CRACD: variants seen among roughly 807,000 people sequenced by gnomAD.
The protein encoded by CRACD is capping protein-inhibiting regulator of actin dynamics.
A neutral mutation model predicts 106.8 loss-of-function variants in CRACD; 56 were observed. The ratio of observed to expected loss-of-function variants is 0.52; its 90% confidence interval spans 0.42 to 0.66. The LOEUF (loss-of-function observed/expected upper bound fraction) is 0.66. Ranked by LOEUF, CRACD falls within the 30% of genes least tolerant of loss-of-function variation. The pLI is 0.00. For missense variants in CRACD, 1,730 were observed against 1,623.2 expected (o/e 1.07, Z -1.13); for synonymous variants, 754 against 670.8 (o/e 1.12, Z -1.92).
chr4:56,156,385 A>C (rs897794533), intron 1 of CRACD, among the ~76,000 whole-genome samples: 5 of 152,214 alleles, frequency 3.3e-5, no homozygotes, highest in African/African-American at 1.2e-4. Context: ...CAGGTGTGTT[A>C]GAAAGAGCAC....
chr4:56,221,112 C>G (rs2109513033), intron 2 of CRACD, among the ~76,000 whole-genome samples: 1 of 152,172 alleles, frequency 6.6e-6, no homozygotes, highest in East Asian at 1.9e-4. Context: ...TTGTGCCAAG[C>G]TAGGGAGTTG....
intron 4 of CRACD, among the ~76,000 whole-genome samples, chr4:56,302,763 G>A (rs1744439827): frequency 6.6e-6 from 1 of 152,068 alleles, no homozygotes; most frequent in Non-Finnish European, 1.5e-5. Context: ...TAGTCTGAAG[G>A]ATAGGAAAAT....
chr4:56,059,455 G>A (rs1732196070), intron 1 of CRACD, among the ~76,000 whole-genome samples: 1 of 152,156 alleles, frequency 6.6e-6, no homozygotes, highest in East Asian at 1.9e-4. Context: ...CAGCCTGCGT[G>A]ACAGAATTAG....
rs115996576 is a variant in CRACD at position 56,054,100 on chromosome 4, G to A, written c.-336+4801G>A. Reference sequence around the variant, plus strand: ...CAGGACATGGCCCACTTATTGGGTGGTCATTGTAATTTGTATGTTCAGGCA... The same window carrying A: ...CAGGACATGGCCCACTTATTGGGTGATCATTGTAATTTGTATGTTCAGGCA... On this transcript the variant is annotated intron_variant, in intron 1 of 10. Coordinates refer to ENST00000682029, the MANE Select transcript of CRACD (RefSeq NM_001393381.1). Among the ~76,000 whole-genome samples, 647 of 152,256 alleles carry A rather than the reference G, an allele frequency of 4.2e-3. 3 individuals are homozygous for A. Among genetic ancestry groups the A allele is most frequent in the Non-Finnish European group, 7.6e-3 (514 of 68,012 alleles).
In CRACD at chr4:56,329,203, T is replaced by C. The variant is rs1176479748; in HGVS notation, c.*1399T>C. On this transcript the variant is annotated 3_prime_UTR_variant, in exon 11 of 11. Coordinates refer to ENST00000682029, the MANE Select transcript of CRACD (RefSeq NM_001393381.1). ...ACAGACATACTGGCAAACTCACATATTGCTGGTGCTAACCTTATATTTCAT... is the reference window on the plus strand; with the variant it reads ...ACAGACATACTGGCAAACTCACATACTGCTGGTGCTAACCTTATATTTCAT... Among the ~76,000 whole-genome samples the C allele has an allele frequency of 1.3e-5, 2 of 152,230 alleles. No individual in the cohort carries two copies. Among genetic ancestry groups the C allele is most frequent in the African/African-American group, 4.8e-5 (2 of 41,462 alleles).
intron 1 of CRACD, among the ~76,000 whole-genome samples, chr4:56,149,256 A>C (rs948434683): frequency 1.3e-5 from 2 of 152,168 alleles, no homozygotes; most frequent in African/African-American, 4.8e-5. Flanking sequence ...CTGCTAGGCC[A>C]GTGCTGCCAA....
intron 1 of CRACD, among the ~76,000 whole-genome samples, chr4:56,081,067 A>G (rs1733005749): frequency 6.6e-6 from 1 of 152,212 alleles, no homozygotes; most frequent in Non-Finnish European, 1.5e-5. Context: ...TATGTTGCTC[A>G]GGCTGGTCTT....
At chr4:56,293,241 A>ATC (rs1743800216) in intron 3 of CRACD, among the ~76,000 whole-genome samples, 2 of 152,162 alleles carry the variant, frequency 1.3e-5, no homozygotes, top group Non-Finnish European at 2.9e-5. Context: ...ACATGGGAGG[A>ATC]TCAGAGAGAG....
intron 3 of CRACD, among the ~76,000 whole-genome samples, chr4:56,287,342 G>C (rs1473943722): frequency 1.3e-5 from 2 of 151,908 alleles, no homozygotes; most frequent in Non-Finnish European, 2.9e-5. Context: ...GAGTGCAGTG[G>C]CATGATTTTG....
chr4:56,315,738 C>A lies in CRACD; in HGVS notation c.2236C>A (p.Arg746=), dbSNP rs777119246. 23 of 1,614,076 alleles carry A rather than the reference C, an allele frequency of 1.4e-5. No individual in the cohort carries two copies. The highest frequency in any genetic ancestry group is 9.3e-5 in the African/African-American group (7 of 74,916). ...SKQSTEAESI[R]KRPMLGPSEE... The stretch of plus-strand genomic sequence containing the variant: ...ACAGAGCACGGAAGCTGAAAGCATA[C>A]GAAAAAGACCCATGCTGGGACCCAG... The change falls in exon 8 of 11, where the codon CGA becomes AGA. Residue 746 remains arginine (R), a synonymous_variant. Coordinates refer to ENST00000682029, the MANE Select transcript of CRACD (RefSeq NM_001393381.1). The surrounding 1 kb of genome is among the most constrained non-coding windows in gnomAD (Gnocchi z 4.1).
intron 1 of CRACD, among the ~76,000 whole-genome samples, chr4:56,080,384 T>C (rs1732982538): frequency 6.6e-6 from 1 of 152,246 alleles, no homozygotes; most frequent in Admixed American, 6.5e-5. Flanking sequence ...TTACATTCTT[T>C]ATAGGCAACC....
At chr4:56,268,065 T>C (rs1025863588) in intron 2 of CRACD, among the ~76,000 whole-genome samples, 3 of 152,152 alleles carry the variant, frequency 2.0e-5, no homozygotes, top group African/African-American at 7.2e-5. Context: ...AAATAATTTA[T>C]ATAGTAGATG....
At chr4:56,067,601 AT>A (rs149429778) in intron 1 of CRACD, among the ~76,000 whole-genome samples, 4,199 of 151,980 alleles carry the variant, frequency 0.028, 127 homozygotes, top group East Asian at 0.079. Context: ...TTATCTATTT[AT>A]TTTTGCTCTG....
intron 1 of CRACD, among the ~76,000 whole-genome samples, chr4:56,116,891 A>G (rs1489479996): frequency 6.6e-6 from 1 of 151,632 alleles, no homozygotes; most frequent in African/African-American, 2.4e-5. Flanking sequence ...TATTTTTGGT[A>G]GAGACAGGGT....
chr4:56,161,465 T>C (rs943631248), intron 1 of CRACD, among the ~76,000 whole-genome samples: 3 of 152,110 alleles, frequency 2.0e-5, no homozygotes, highest in Admixed American at 6.6e-5. Context: ...ATTTTTTTTT[T>C]CCCTGAGATG....
rs1742414365 is a variant in CRACD, at chr4:56,272,487, T to C, written c.-22T>C. On this transcript the variant is annotated 5_prime_UTR_variant, in exon 3 of 11. Coordinates refer to ENST00000682029, the MANE Select transcript of CRACD (RefSeq NM_001393381.1). Reference sequence around the variant, plus strand: ...CGGATGAGGAGACCCTGGAAGACAATCTAAGGTAATAACTTGCACTTTCCT... The same window carrying C: ...CGGATGAGGAGACCCTGGAAGACAACCTAAGGTAATAACTTGCACTTTCCT... 1 of 152,584 alleles carries C rather than the reference T, an allele frequency of 6.6e-6. No homozygotes were observed. The highest frequency in any genetic ancestry group is 6.5e-5 in the Admixed American group (1 of 15,274). The allele number at this position is 152,584 out of a possible 1,614,324, so 9.5% of individuals were successfully genotyped here.
At chr4:56,304,312 CTTTTTT>C (rs10551073) in intron 4 of CRACD, among the ~76,000 whole-genome samples, 1 of 127,968 alleles carries the variant, frequency 7.8e-6, no homozygotes, top group African/African-American at 2.9e-5. Context: ...GTTCTTATTC[CTTTTTT>C]TTTTTTTTTT....
At chr4:56,207,471 C>T (rs950831203) in intron 2 of CRACD, among the ~76,000 whole-genome samples, 2 of 152,016 alleles carry the variant, frequency 1.3e-5, no homozygotes, top group African/African-American at 4.8e-5. Flanking sequence ...GGGGAGTGGA[C>T]CAGTATTCTT....
At chr4:56,125,474 T>A (rs919517440) in intron 1 of CRACD, among the ~76,000 whole-genome samples, 1 of 152,054 alleles carries the variant, frequency 6.6e-6, no homozygotes, top group Admixed American at 6.6e-5. Flanking sequence ...GTGCAGATGG[T>A]GCAAATGGTG....
Sources: allele counts gnomAD v4.1 joint callset (sites outside exome capture counted in the v4.1 genomes callset), GRCh38; gene constraint gnomAD v4.1.1; non-coding constraint Gnocchi (gnomAD v3.1); transcripts MANE v1.5; gene names NCBI Gene and HGNC (gene_info 2026-07-23, HGNC 2026-07-21).